Variants in KCNMB3 observed in about 807,000 individuals in gnomAD.
KCNMB3 encodes potassium calcium-activated channel subfamily M regulatory beta subunit 3.
KCNMB3 carries 18 observed loss-of-function variants against 11.9 expected under a neutral mutation model. That is an observed-to-expected ratio of 1.51 (90% CI 1.04 to 2.23). KCNMB3 has a LOEUF of 2.23. Ranked by LOEUF, KCNMB3 falls within the 30% of genes most tolerant of loss-of-function variation. The pLI is 0.00. For missense variants in KCNMB3, 247 were observed against 329.4 expected (o/e 0.75, Z 1.94); for synonymous variants, 78 against 119.2 (o/e 0.65, Z 2.25).
intron 1 of KCNMB3, chr3:179,259,132 G>A: frequency 6.3e-7 from 1 of 1,577,912 alleles, no homozygotes; most frequent in East Asian, 2.2e-5. Context: ...AACAAGTCAT[G>A]GTTTTTTAGG....
At position 179,243,082 on chromosome 3, in the gene KCNMB3, AG is replaced by A. The variant is rs1725512272; in HGVS notation, c.649del (p.Leu217CysfsTer2). On this transcript the variant is annotated frameshift_variant, in exon 3 of 3. Coordinates refer to ENST00000392685, the MANE Select transcript of KCNMB3 (RefSeq NM_171830.2). LOFTEE classifies it low-confidence loss of function (END_TRUNC). ...FHCLFWPSLTLLGGALIVGMV... is the reference protein window; with the variant it reads ...FHCLFWPSLTXLGGALIVGMV... The stretch of plus-strand genomic sequence containing the variant: ...GCCAACAATCAGGGCACCACCTAGC[AG>A]AGTCAGTGAAGGCCAAAATAAACAG... 6.4e-7 allele frequency: 1 copy of A among 1,563,372 alleles called. No homozygotes were observed. The highest frequency in any genetic ancestry group is 1.9e-5 in the Admixed American group (1 of 52,870).
chr3:179,266,709 A>C (rs1726379247), exon 1 of KCNMB3: 2 of 1,614,062 alleles, frequency 1.2e-6, no homozygotes, highest in Non-Finnish European at 1.7e-6. Context: ...GAAGGGCTGC[A>C]TGAGGCCAGG....
rs577735931 is a variant in KCNMB3, at chr3:179,263,221, T to C, written c.62+3428A>G. Among the ~76,000 whole-genome samples the C allele has an allele frequency of 2.0e-3, 298 of 152,338 alleles. 3 individuals are homozygous for C. The highest frequency in any genetic ancestry group is 6.8e-3 in the African/African-American group (282 of 41,584). ...CCGCGGGGAGGCACCTAAGGCCCTG[T>C]GAGAAATTGAGCACAGCAGCTGCTG... On this transcript the variant is annotated intron_variant, in intron 1 of 3. Transcript: ENST00000349697.
At chr3:179,249,180 T>C (rs1725748306) in intron 1 of KCNMB3, among the ~76,000 whole-genome samples, 1 of 150,658 alleles carries the variant, frequency 6.6e-6, no homozygotes, top group Non-Finnish European at 1.5e-5. Context: ...GCCCAGCTAA[T>C]TTTTTTGTAT....
intron 1 of KCNMB3, among the ~76,000 whole-genome samples, chr3:179,246,679 A>G (rs1312055464): frequency 6.6e-6 from 1 of 152,170 alleles, no homozygotes; most frequent in Non-Finnish European, 1.5e-5. Context: ...CACTAAATTA[A>G]TTTATATGTT....
At chr3:179,266,678 T>G in exon 1 of KCNMB3, 1 of 1,614,174 alleles carries the variant, frequency 6.2e-7, no homozygotes, top group Non-Finnish European at 8.5e-7. Flanking sequence ...TGCCCTGAAG[T>G]GTGATTTGCA....
intron 1 of KCNMB3, among the ~76,000 whole-genome samples, chr3:179,248,719 C>A (rs1163014804): frequency 1.4e-5 from 2 of 146,704 alleles, no homozygotes; most frequent in Non-Finnish European, 3.0e-5. Flanking sequence ...CAGAGTGACA[C>A]CCTGCTTCAA....
rs952901494 is a variant in KCNMB3, at chr3:179,260,809, C to A, written c.62+5840G>T. ...ATTATTTGTTTTTCTCTTCGTACTGCCGCCTATATTCAGCCAGCTGTTCTT... is the reference window on the plus strand; with the variant it reads ...ATTATTTGTTTTTCTCTTCGTACTGACGCCTATATTCAGCCAGCTGTTCTT... On this transcript the variant is annotated intron_variant, in intron 1 of 3. Coordinates refer to the KCNMB3 transcript ENST00000349697. 5.1e-5 allele frequency: 69 copies of A among 1,341,152 alleles called. No homozygotes were observed. The South Asian group carries it at 7.6e-4, about 15-fold the overall frequency. 83.1% of individuals were successfully genotyped at this position (1,341,152 alleles called of 1,614,324 possible).
chr3:179,259,641 A>C (rs1326498783), intron 1 of KCNMB3: 2 of 1,609,164 alleles, frequency 1.2e-6, no homozygotes, highest in African/African-American at 2.7e-5. Flanking sequence ...AATTTCACTT[A>C]AATCTGTGTT....
chr3:179,257,668 G>A (rs1726056521), intron 1 of KCNMB3, among the ~76,000 whole-genome samples: 1 of 152,172 alleles, frequency 6.6e-6, no homozygotes, highest in Non-Finnish European at 1.5e-5. Flanking sequence ...TCTTTTGAAT[G>A]ATGATTAGAA....
chr3:179,260,605 C>A, intron 1 of KCNMB3: 1 of 1,446,866 alleles, frequency 6.9e-7, no homozygotes, highest in Non-Finnish European at 9.7e-7. Flanking sequence ...CTTTCGTCAT[C>A]TTGGTAGGAT....
intron 1 of KCNMB3, among the ~76,000 whole-genome samples, chr3:179,246,775 C>T (rs1725657926): frequency 6.6e-6 from 1 of 152,132 alleles, no homozygotes; most frequent in African/African-American, 2.4e-5. Context: ...TGACCGAGTA[C>T]TGAACTGAGT....
upstream of KCNMB3, among the ~76,000 whole-genome samples, chr3:179,255,455 A>G (rs1725982835): frequency 6.6e-6 from 1 of 152,140 alleles, no homozygotes. Flanking sequence ...TAATGAACAG[A>G]CATAACACTC....
downstream of KCNMB3, chr3:179,241,482 C>G (rs1444421343): frequency 6.5e-6 from 1 of 154,296 alleles, no homozygotes; most frequent in East Asian, 1.9e-4. Flanking sequence ...AAATTAATTG[C>G]TAAAAGGGAT....
At chr3:179,260,778 T>C in intron 1 of KCNMB3, 2 of 1,426,508 alleles carry the variant, frequency 1.4e-6, no homozygotes, top group South Asian at 2.3e-5. Flanking sequence ...TGTTTTTCCC[T>C]TTCAAATTAT....
At chr3:179,259,008 C>T in intron 1 of KCNMB3, 14 of 1,614,196 alleles carry the variant, frequency 8.7e-6, no homozygotes, top group Non-Finnish European at 1.2e-5. Context: ...ACGCCTGCCG[C>T]CTGCCTCAGC....
exon 1 of KCNMB3, chr3:179,266,764 G>A: frequency 6.2e-7 from 1 of 1,606,548 alleles, no homozygotes; most frequent in Non-Finnish European, 8.5e-7. Flanking sequence ...TGCCCCTGCG[G>A]GCGCAAGAAA....
intron 1 of KCNMB3, among the ~76,000 whole-genome samples, chr3:179,247,883 G>A (rs150585322): frequency 1.1e-4 from 16 of 151,920 alleles, no homozygotes; most frequent in African/African-American, 2.9e-4. Context: ...TTCCCTCACT[G>A]AACTCCTAGG....
intron 1 of KCNMB3, 78 bp from the exon 2 acceptor site, chr3:179,244,771 T>C (rs1177816919): frequency 2.4e-6 from 3 of 1,254,676 alleles, no homozygotes; most frequent in Non-Finnish European, 3.4e-6. Flanking sequence ...TATGAGCTTA[T>C]GTACACAATG....
Sources: allele counts gnomAD v4.1 joint callset (sites outside exome capture counted in the v4.1 genomes callset), GRCh38; gene constraint gnomAD v4.1.1; transcripts MANE v1.5; gene names NCBI Gene and HGNC (gene_info 2026-07-23, HGNC 2026-07-21).